Variants in SLC22A23 observed in about 807,000 individuals in gnomAD.
SLC22A23 encodes solute carrier family 22 member 23, also known as ion transporter protein.
A neutral mutation model predicts 61.0 loss-of-function variants in SLC22A23; 26 were observed. The ratio of observed to expected loss-of-function variants is 0.43; its 90% CI spans 0.31 to 0.59. SLC22A23 has a LOEUF of 0.59. Among genes scored for constraint, SLC22A23 ranks in the 20% least tolerant of loss-of-function variants. The pLI is 0.11. For missense variants in SLC22A23, 796 were observed against 934.7 expected (o/e 0.85, Z 1.94); for synonymous variants, 430 against 413.9 (o/e 1.04, Z -0.47).
At chr6:3,431,672 A>G (rs1770873275) in intron 1 of SLC22A23, among the ~76,000 whole-genome samples, 1 of 152,230 alleles carries the variant, frequency 6.6e-6, no homozygotes, top group Non-Finnish European at 1.5e-5. Flanking sequence ...AGGTCATTTG[A>G]GAGCACCTGA....
In SLC22A23 at chr6:3,401,171, G is replaced by A. The variant is rs566977475; in HGVS notation, c.913+9017C>T. Among the ~76,000 whole-genome samples, 14 of 152,218 alleles carry A rather than the reference G, an allele frequency of 9.2e-5. 1 individual carries two copies. The highest frequency in any genetic ancestry group is 3.1e-4 in the African/African-American group (13 of 41,540). ...AGCCTGGCCAACATGGCAAAACCCC[G>A]TCTCTACTAAAAATACAAAAATTAG... On this transcript the variant is annotated intron_variant, in intron 3 of 9. Transcript: ENST00000406686.
chr6:3,350,946 G>A (rs989276453), intron 3 of SLC22A23, among the ~76,000 whole-genome samples: 6 of 149,904 alleles, frequency 4.0e-5, no homozygotes, highest in East Asian at 2.0e-4. Context: ...TCTTATTGAC[G>A]CATTTAATTT....
intron 3 of SLC22A23, among the ~76,000 whole-genome samples, chr6:3,394,690 T>A (rs1172011355): frequency 6.6e-6 from 1 of 151,988 alleles, no homozygotes; most frequent in Non-Finnish European, 1.5e-5. Flanking sequence ...TGGCAGTGGC[T>A]CTCCAGGGCC....
rs1772403633 is a variant in SLC22A23 at position 3,456,296 on chromosome 6, G to A, written c.264C>T (p.Leu88=). 2 of 1,550,786 alleles carry A rather than the reference G, an allele frequency of 1.3e-6. No individual in the cohort carries two copies. Among genetic ancestry groups the A allele is most frequent in the Non-Finnish European group, 1.7e-6 (2 of 1,146,772 alleles). ...TCTGATAGCCCCCGCCCAGGCCCCC[G>A]AGGAAGGGCAGCACCGACCCGTCAT... ...LDYDGSVLPF[L]GGLGGGYQKT... The change falls in exon 1 of 10, where the codon CTC becomes CTT. Residue 88 remains leucine, a synonymous_variant. Transcript: ENST00000406686. The surrounding 1 kb of genome is among the most constrained non-coding windows in gnomAD (Gnocchi z 7.1).
intron 9 of SLC22A23, among the ~76,000 whole-genome samples, chr6:3,273,938 C>T (rs1561854277): frequency 1.3e-5 from 2 of 152,212 alleles, no homozygotes; most frequent in Non-Finnish European, 1.5e-5. Context: ...GTAGTTTCCT[C>T]ACTGTGAGTT....
intron 9 of SLC22A23, among the ~76,000 whole-genome samples, chr6:3,278,876 A>G (rs1172337327): frequency 6.6e-6 from 1 of 152,130 alleles, no homozygotes; most frequent in Non-Finnish European, 1.5e-5. Context: ...CTAAATGTGG[A>G]CGGCACTGAC....
Position 3,286,764 on chromosome 6 carries a change from A to G in SLC22A23, c.1546+95T>C, listed in dbSNP as rs1760047479. 5 of 1,054,554 alleles carry G rather than the reference A, an allele frequency of 4.7e-6. 1 individual carries two copies. In the South Asian group the frequency reaches 7.4e-5, roughly 16 times the overall value. The allele number at this position is 1,054,554 out of a possible 1,614,324, so 65.3% of individuals were successfully genotyped here. A position where few individuals can be genotyped will look rare whatever the true frequency, so the allele number is the denominator to read the frequency against. Reference sequence around the variant, plus strand: ...AGCTCCTTCCAGCAGTAGATTTTAGAGTGGCCAGCGGAGTCTTATGCAGCC... The same window carrying G: ...AGCTCCTTCCAGCAGTAGATTTTAGGGTGGCCAGCGGAGTCTTATGCAGCC... On this transcript the variant is annotated intron_variant, in intron 7 of 9. Transcript: ENST00000406686. The surrounding 1 kb of genome is among the most constrained non-coding windows in gnomAD (Gnocchi z 4.2).
At chr6:3,438,846 C>G (rs1459889062) in intron 1 of SLC22A23, among the ~76,000 whole-genome samples, 1 of 152,192 alleles carries the variant, frequency 6.6e-6, no homozygotes, top group Non-Finnish European at 1.5e-5. Context: ...TCAGCAAACC[C>G]TTTCTTCACA....
At position 3,329,830 on chromosome 6, in the gene SLC22A23, C is replaced by T. The variant is rs938972080; in HGVS notation, c.914-5828G>A. On this transcript the variant is annotated intron_variant, in intron 3 of 9. Transcript: ENST00000406686. The surrounding 1 kb of genome is among the most constrained non-coding windows in gnomAD (Gnocchi z 4.8). ...CCCCGGGCACTCTGCAGGCCCAAGG[C>T]CACTCTCGGGACAGGGCAAGTCTGC... Among the ~76,000 whole-genome samples the T allele has an allele frequency of 2.6e-5, 4 of 152,224 alleles. No homozygotes were observed. Among genetic ancestry groups the T allele is most frequent in the Non-Finnish European group, 5.9e-5 (4 of 68,044 alleles).
chr6:3,443,852 A>G (rs1249821900), intron 1 of SLC22A23, among the ~76,000 whole-genome samples: 1 of 152,174 alleles, frequency 6.6e-6, no homozygotes, highest in Non-Finnish European at 1.5e-5. Flanking sequence ...GAGCAAAAGC[A>G]TCAGGCGAAG....
rs377669316 is a variant in SLC22A23 at position 3,273,517 on chromosome 6, C to T, written c.1704-105G>A. ...AGCCACCTCTGCAGGGGCCCTGCTG[C>T]CCTGGGCACTGCCCAGTATACCCCG... On this transcript the variant is annotated intron_variant, in intron 9 of 9. Transcript: ENST00000406686. The T allele has an allele frequency of 2.7e-4, 333 of 1,249,190 alleles. 4 individuals carry two copies. In the South Asian group the frequency reaches 3.7e-3, roughly 14 times the overall value. 77.4% of individuals were successfully genotyped at this position (1,249,190 alleles called of 1,614,324 possible). A position where few individuals can be genotyped will look rare whatever the true frequency, so the allele number is the denominator to read the frequency against.
At chr6:3,447,289 C>T (rs371818586) in intron 1 of SLC22A23, among the ~76,000 whole-genome samples, 3 of 152,192 alleles carry the variant, frequency 2.0e-5, no homozygotes, top group East Asian at 1.9e-4. Flanking sequence ...CTACTCAAAC[C>T]TCAGCTCTCA....
intron 3 of SLC22A23, among the ~76,000 whole-genome samples, chr6:3,381,624 C>G (rs1766957789): frequency 6.6e-6 from 1 of 152,226 alleles, no homozygotes; most frequent in Non-Finnish European, 1.5e-5. Flanking sequence ...TCCAGCCAAG[C>G]AAGCCTGGCC....
intron 1 of SLC22A23, among the ~76,000 whole-genome samples, chr6:3,425,759 T>C (rs1354127502): frequency 6.6e-6 from 1 of 152,190 alleles, no homozygotes; most frequent in Non-Finnish European, 1.5e-5. Flanking sequence ...ATTACCAGTA[T>C]GTCCATTTCA....
chr6:3,272,894 G>A lies in SLC22A23; in HGVS notation c.*161C>T, dbSNP rs1374038193. The A allele has an allele frequency of 1.1e-5, 7 of 621,580 alleles. No homozygotes were observed. The Admixed American group carries it at 2.1e-4, about 19-fold the overall frequency. The allele number at this position is 621,580 out of a possible 1,614,324, so 38.5% of individuals were successfully genotyped here. On this transcript the variant is annotated 3_prime_UTR_variant, in exon 10 of 10. Transcript: ENST00000406686. ...AAAGAGTTTGTCTCCTCCGACCCGC[G>A]CTCCTTGGACTTTTGGAAAGACAGG...
intron 4 of SLC22A23, chr6:3,313,282 C>T (rs1049475502): frequency 6.6e-6 from 1 of 152,190 alleles, no homozygotes; most frequent in African/African-American, 2.4e-5. Flanking sequence ...TTTATTTCCA[C>T]ATCTGCCTTT....
At chr6:3,420,049 C>G (rs1273771774) in intron 1 of SLC22A23, among the ~76,000 whole-genome samples, 1 of 152,104 alleles carries the variant, frequency 6.6e-6, no homozygotes, top group Non-Finnish European at 1.5e-5. Context: ...ATCATAAAAG[C>G]ACTAAAGTCA....
At chr6:3,423,036 T>G (rs1043632577) in intron 1 of SLC22A23, among the ~76,000 whole-genome samples, 2 of 136,822 alleles carry the variant, frequency 1.5e-5, no homozygotes, top group African/African-American at 6.7e-5. Context: ...AAGCAACAAT[T>G]TTTTTTTTTG....
At chr6:3,282,202 A>G (rs1200657677) in intron 9 of SLC22A23, 2 of 702,560 alleles carry the variant, frequency 2.8e-6, no homozygotes, top group Admixed American at 2.0e-5. Context: ...GTTTTGTTTG[A>G]TAAAGGAGAG....
Sources: gnomAD v4.1 joint callset for allele counts (sites outside exome capture counted in the v4.1 genomes callset) on GRCh38, gnomAD v4.1.1 for gene constraint, Gnocchi (gnomAD v3.1) non-coding constraint, MANE v1.5 for transcripts, NCBI Gene and HGNC (gene_info 2026-07-23, HGNC 2026-07-21) for gene names.